The following CCNH variants were observed in gnomAD, a reference collection of about 807,000 sequenced individuals.
The protein encoded by CCNH is cyclin H.
A neutral mutation model predicts 41.9 loss-of-function variants in CCNH; 31 were observed. The observed-to-expected ratio is 0.74, with a 90% CI of 0.56 to 1.00. The LOEUF is 1.00. Among genes scored for constraint, CCNH ranks in the 50% least tolerant of loss-of-function variants. The pLI, the probability that CCNH is intolerant of heterozygous loss-of-function variation, is 0.00. For synonymous variants in CCNH, 138 were observed against 136.1 expected, an observed-to-expected ratio of 1.01 and a Z score of -0.10; for missense variants, 362 against 388.4, an observed-to-expected ratio of 0.93 and a Z score of 0.57.
intron 9 of CCNH, among the ~76,000 whole-genome samples, chr5:87,326,720 C>T (rs1010803898): frequency 1.3e-5 from 2 of 152,120 alleles, no homozygotes; most frequent in East Asian, 3.9e-4. Context: ...AATGGGGGCT[C>T]TTTGGGGGTT....
chr5:87,391,587 T>G (rs1762524115), downstream of CCNH: 1 of 235,046 alleles, frequency 4.3e-6, no homozygotes, highest in African/African-American at 2.2e-5. Context: ...GTTAAATGTT[T>G]ACAAGTAAAT....
chr5:87,384,019 C>T (rs1761905498), intron 9 of CCNH, among the ~76,000 whole-genome samples: 1 of 152,030 alleles, frequency 6.6e-6, no homozygotes, highest in Non-Finnish European at 1.5e-5. Flanking sequence ...ACACATTCCA[C>T]CTTTTTTCTA....
At chr5:87,405,357 A>C (rs1763715476) in intron 4 of CCNH, among the ~76,000 whole-genome samples, 1 of 152,218 alleles carries the variant, frequency 6.6e-6, no homozygotes, top group African/African-American at 2.4e-5. Flanking sequence ...CTTCTATTTA[A>C]AATTTGCTTT....
chr5:87,353,283 T>G (rs1362720260), intron 9 of CCNH: 4 of 1,425,928 alleles, frequency 2.8e-6, no homozygotes, highest in Non-Finnish European at 4.0e-6. Context: ...TATTTTAAAA[T>G]GCATTTTGGT....
chr5:87,339,036 T>C (rs528725742), intron 9 of CCNH, among the ~76,000 whole-genome samples: 1 of 152,296 alleles, frequency 6.6e-6, no homozygotes, highest in East Asian at 1.9e-4. Flanking sequence ...ATTCTCCCTT[T>C]CCTTTCGGAT....
At chr5:87,354,914 C>G (rs568201891) in intron 9 of CCNH, among the ~76,000 whole-genome samples, 1 of 152,128 alleles carries the variant, frequency 6.6e-6, no homozygotes, top group African/African-American at 2.4e-5. Context: ...ATAACATTCC[C>G]TTAAGCCAAA....
chr5:87,394,693 C>G (rs1762778783), intron 8 of CCNH: 5 of 1,343,220 alleles, frequency 3.7e-6, no homozygotes, highest in Non-Finnish European at 3.8e-6. Flanking sequence ...ATGGCTGTGA[C>G]CTTTTGCCTC....
downstream of CCNH, among the ~76,000 whole-genome samples, chr5:87,375,640 T>C (rs180838695): frequency 4.5e-3 from 691 of 152,308 alleles, 4 homozygotes; most frequent in African/African-American, 0.015. Flanking sequence ...ATGTCACTTA[T>C]TCACTTCTGG....
chr5:87,361,785 AAT>A (rs1760114287), intron 9 of CCNH, among the ~76,000 whole-genome samples: 1 of 152,188 alleles, frequency 6.6e-6, no homozygotes, highest in African/African-American at 2.4e-5. Context: ...AACACTTAGA[AAT>A]TTCATCAGGG....
At chr5:87,381,818 G>A (rs1432166748), upstream of CCNH, among the ~76,000 whole-genome samples, 2 of 152,138 alleles carry the variant, frequency 1.3e-5, no homozygotes, top group African/African-American at 4.8e-5. Context: ...AAACTGTTTC[G>A]TGCAAGAGGG....
At chr5:87,371,294 A>G (rs1035284293), downstream of CCNH, among the ~76,000 whole-genome samples, 1 of 152,030 alleles carries the variant, frequency 6.6e-6, no homozygotes, top group African/African-American at 2.4e-5. Flanking sequence ...TCAAAAAGCT[A>G]TGGTAACTGA....
intron 9 of CCNH, among the ~76,000 whole-genome samples, chr5:87,330,051 G>C: frequency 6.6e-6 from 1 of 151,976 alleles, no homozygotes; most frequent in East Asian, 1.9e-4. Flanking sequence ...TCTTCCTCTA[G>C]TACTAACAGG....
intron 9 of CCNH, among the ~76,000 whole-genome samples, chr5:87,339,698 AAGTT>A (rs1220421860): frequency 1.3e-5 from 2 of 152,164 alleles, no homozygotes; most frequent in Non-Finnish European, 2.9e-5. Context: ...ATCAAGGAAA[AAGTT>A]AGCAACTCAG....
At chr5:87,391,259 C>T (rs1185981969), downstream of CCNH, 18 of 391,956 alleles carry the variant, frequency 4.6e-5, no homozygotes, top group East Asian at 7.0e-4. Context: ...ACTATGAAAT[C>T]AACTGACAAG....
rs748595722 is a variant in CCNH, at chr5:87,358,593, G to A, written c.*90+34177C>T. ...TTTGTCCCCTTATGCTGCATGCTGC[G>A]CAGCAGTCACTGGGATCCATTTAAA... On this transcript the variant is annotated intron_variant and NMD_transcript_variant, in intron 9 of 9. Transcript: ENST00000645953. 2.0e-5 allele frequency among the ~76,000 whole-genome samples: 3 copies of A among 152,092 alleles called. 1 individual carries two copies. Among genetic ancestry groups the A allele is most frequent in the South Asian group, 4.1e-4 (2 of 4,828 alleles).
At position 87,405,059 on chromosome 5, in the gene CCNH, T is replaced by A. The variant is rs1763692205; in HGVS notation, c.526-52A>T. On this transcript the variant is annotated intron_variant, in intron 4 of 8. Coordinates refer to ENST00000256897, the MANE Select transcript of CCNH (RefSeq NM_001239.4). ...CATTTCTGAGGGTTTAAATGGAGTATAACAACAGTTTAAAAATTACACAAC... is the reference window on the plus strand; with the variant it reads ...CATTTCTGAGGGTTTAAATGGAGTAAAACAACAGTTTAAAAATTACACAAC... 4.6e-6 allele frequency: 6 copies of A among 1,315,684 alleles called. No homozygotes were observed. The South Asian group carries it at 8.0e-5, about 18-fold the overall frequency. 81.5% of individuals were successfully genotyped at this position (1,315,684 alleles called of 1,614,324 possible). A position where few individuals can be genotyped will look rare whatever the true frequency, so the allele number is the denominator to read the frequency against.
upstream of CCNH, chr5:87,379,787 A>G (rs1316341182): frequency 6.2e-7 from 1 of 1,612,910 alleles, no homozygotes; most frequent in Non-Finnish European, 8.5e-7. Context: ...AATTTAACAC[A>G]CCTATTGAAC....
At chr5:87,372,085 T>C (rs1368877503), downstream of CCNH, 5 of 1,589,104 alleles carry the variant, frequency 3.1e-6, no homozygotes, top group Admixed American at 6.8e-5. Context: ...TAAACTAGTG[T>C]ATATTTCTTT....
chr5:87,390,138 A>C (rs1762391789), downstream of CCNH, among the ~76,000 whole-genome samples: 1 of 152,220 alleles, frequency 6.6e-6, no homozygotes. Flanking sequence ...CAAAGACCAG[A>C]CCAGAATTTG....
Sources: gnomAD v4.1 joint callset for allele counts (sites outside exome capture counted in the v4.1 genomes callset) on GRCh38, gnomAD v4.1.1 for gene constraint, MANE v1.5 for transcripts, NCBI Gene and HGNC (gene_info 2026-07-23, HGNC 2026-07-21) for gene names.